TFAP2B: variants seen among roughly 807,000 people sequenced by gnomAD.
TFAP2B encodes the protein transcription factor AP-2 beta, also known as transcription factor AP-2-beta.
Under a neutral mutation model 44.3 loss-of-function variants are expected in TFAP2B, and 9 were observed. The observed-to-expected ratio is 0.20, with a 90% CI of 0.12 to 0.35. The LOEUF (loss-of-function observed/expected upper bound fraction) is 0.35, where lower values mean the gene tolerates loss of function less well. Ranked by LOEUF, TFAP2B falls within the 10% of genes least tolerant of loss-of-function variation. The probability of loss-of-function intolerance (pLI) is 1.00; values close to 1 mark genes in which losing one functional copy is unlikely to be tolerated. For synonymous variants in TFAP2B, 270 were observed against 263.8 expected (o/e 1.02, Z -0.23); for missense variants, 509 against 600.0 (o/e 0.85, Z 1.59).
chr6:50,833,680 C>T (rs1022299926), intron 3 of TFAP2B, among the ~76,000 whole-genome samples: 1 of 152,118 alleles, frequency 6.6e-6, no homozygotes, highest in East Asian at 1.9e-4. Context: ...GGAAATAGCT[C>T]TTGTCGGGTG....
intron 6 of TFAP2B, among the ~76,000 whole-genome samples, chr6:50,841,726 C>T (rs879058755): frequency 5.9e-5 from 9 of 152,108 alleles, no homozygotes; most frequent in African/African-American, 1.9e-4. Context: ...TGTGTTTGAA[C>T]CCCACAGGTG....
At chr6:50,840,515 C>T (rs1011214873) in intron 6 of TFAP2B, among the ~76,000 whole-genome samples, 1 of 152,188 alleles carries the variant, frequency 6.6e-6, no homozygotes, top group Admixed American at 6.5e-5. Context: ...CGAATCCAGC[C>T]TTCTTACAAT....
In TFAP2B at chr6:50,822,176, C is replaced by A. The variant is rs1010981440; in HGVS notation, c.82-1231C>A. 3.1e-6 allele frequency: 4 copies of A among 1,303,286 alleles called. No homozygotes were observed. In the African/African-American group the frequency reaches 4.6e-5, roughly 15 times the overall value. 80.7% of individuals were successfully genotyped at this position (1,303,286 alleles called of 1,614,324 possible). A position where few individuals can be genotyped will look rare whatever the true frequency, so the allele number is the denominator to read the frequency against. ...TTCATCCATGGTGAGTTTGGATTCA[C>A]GTGTTACCAGAATTGCATGCTCCCT... On this transcript the variant is annotated intron_variant, in intron 1 of 6. Coordinates refer to ENST00000393655, the MANE Select transcript of TFAP2B (RefSeq NM_003221.4).
chr6:50,829,609 G>A (rs1161882989), intron 3 of TFAP2B, among the ~76,000 whole-genome samples: 1 of 152,194 alleles, frequency 6.6e-6, no homozygotes, highest in African/African-American at 2.4e-5. Context: ...GGATGTCGAA[G>A]AAATTCTGTC....
chr6:50,823,334 T>C, intron 1 of TFAP2B, 73 bp from the exon 2 acceptor site: 1 of 1,315,620 alleles, frequency 7.6e-7, no homozygotes, highest in Admixed American at 2.0e-5. Context: ...GTACTCTCTG[T>C]CTCTCTCTGC....
chr6:50,826,847 G>T (rs184962734), intron 2 of TFAP2B, among the ~76,000 whole-genome samples: 1 of 152,102 alleles, frequency 6.6e-6, no homozygotes, highest in Admixed American at 6.5e-5. Context: ...GTGTCTTAAA[G>T]CAACCCCTGG....
At chr6:50,818,739 G>A, upstream of TFAP2B, 1 of 669,888 alleles carries the variant, frequency 1.5e-6, no homozygotes, top group Non-Finnish European at 2.6e-6. Context: ...TCTTTGCTGA[G>A]GCTTACTTGT....
chr6:50,822,259 G>GTC (rs1333417708), intron 1 of TFAP2B: 2 of 1,047,690 alleles, frequency 1.9e-6, no homozygotes, highest in East Asian at 5.9e-5. Flanking sequence ...CACACTCTCT[G>GTC]TCTCTCTCTG....
rs748407911 is a variant in TFAP2B at position 50,823,547 on chromosome 6, C to T, written c.222C>T (p.Tyr74=). 1.5e-5 allele frequency: 24 copies of T among 1,613,890 alleles called. No homozygotes were observed. Among genetic ancestry groups the T allele is most frequent in the Non-Finnish European group, 1.1e-5 (13 of 1,180,000 alleles). ...DFQPPYFPPP[Y]QPLPYHQSQD... ...AGCCGCCCTACTTCCCACCCCCCTA[C>T]CAGCCGCTCCCCTACCACCAGAGCC... The change falls in exon 2 of 7, where the codon TAC becomes TAT. Residue 74 remains tyrosine (Y), a synonymous_variant. Coordinates refer to ENST00000393655, the MANE Select transcript of TFAP2B (RefSeq NM_003221.4).
At position 50,846,888 on chromosome 6, in the gene TFAP2B, G is replaced by T. The variant is rs1039869538; in HGVS notation, c.*3496G>T. 6.6e-6 allele frequency: 1 copy of T among 152,500 alleles called. No homozygotes were observed. Among genetic ancestry groups the T allele is most frequent in the Non-Finnish European group, 1.5e-5 (1 of 68,024 alleles). The allele number at this position is 152,500 out of a possible 1,614,324, so 9.4% of individuals were successfully genotyped here. On this transcript the variant is annotated 3_prime_UTR_variant, in exon 7 of 7. Transcript: ENST00000393655. ...TTAAAGAACCGAAGAGGCTTTTAAA[G>T]ACCTGGCTGCTTTGTTTTCCTTGGC...
chr6:50,825,225 G>A (rs1770469990), intron 2 of TFAP2B, among the ~76,000 whole-genome samples: 2 of 152,112 alleles, frequency 1.3e-5, no homozygotes, highest in African/African-American at 4.8e-5. Flanking sequence ...TGATTTAACT[G>A]AGCTTGACTG....
At chr6:50,819,422 C>A (rs945008115) in intron 1 of TFAP2B, among the ~76,000 whole-genome samples, 5 of 151,954 alleles carry the variant, frequency 3.3e-5, no homozygotes, top group African/African-American at 1.2e-4. Context: ...AATAAAATTT[C>A]TGAAATTGAT....
intron 3 of TFAP2B, among the ~76,000 whole-genome samples, chr6:50,833,369 G>A (rs1483443750): frequency 1.3e-5 from 2 of 152,232 alleles, no homozygotes; most frequent in Non-Finnish European, 2.9e-5. Flanking sequence ...GACAAGAAAT[G>A]TGTCAGATCT....
At chr6:50,832,142 A>G (rs986339237) in intron 3 of TFAP2B, among the ~76,000 whole-genome samples, 4 of 152,248 alleles carry the variant, frequency 2.6e-5, no homozygotes, top group South Asian at 4.1e-4. Flanking sequence ...CTCAAAAGGA[A>G]GAAGTTCCCA....
chr6:50,843,190 G>T lies in TFAP2B; in HGVS notation c.1181G>T (p.Cys394Phe). The T allele has an allele frequency of 6.2e-7, 1 of 1,614,246 alleles. No homozygotes were observed. The highest frequency in any genetic ancestry group is 8.5e-7 in the Non-Finnish European group (1 of 1,180,046). The stretch of plus-strand genomic sequence containing the variant: ...ATCCTGGAGCCGGGGATCCAGAGCT[G>T]CCTCACGCACTTCAGCCTCATCACG... ...SPILEPGIQS[C>F]LTHFSLITHG... The change falls in exon 7 of 7, where the codon TGC (cysteine) becomes TTC (phenylalanine). Residue 394 changes from cysteine (C) to phenylalanine (F), a missense_variant. By Grantham distance (205) the Cys-to-Phe change is radical. Transcript: ENST00000393655.
At chr6:50,828,551 A>AC (rs1770588512) in intron 2 of TFAP2B, 68 bp from the exon 3 acceptor site, 10 of 1,403,174 alleles carry the variant, frequency 7.1e-6, no homozygotes, top group African/African-American at 1.4e-5. Flanking sequence ...AGTTTGGAAT[A>AC]ACATGATTTA....
intron 4 of TFAP2B, 45 bp downstream of exon 4, chr6:50,836,325 A>G (rs750138290): frequency 1.3e-6 from 2 of 1,525,586 alleles, no homozygotes; most frequent in South Asian, 2.3e-5. Flanking sequence ...AAAAACAAAC[A>G]AAAACCCACC....
At chr6:50,820,392 C>CT (rs1491474409) in intron 1 of TFAP2B, among the ~76,000 whole-genome samples, 1 of 64,728 alleles carries the variant, frequency 1.5e-5, no homozygotes, top group African/African-American at 6.5e-5. Context: ...ACACCTCCTG[C>CT]CCCCCCCCGA....
intron 5 of TFAP2B, among the ~76,000 whole-genome samples, chr6:50,839,629 AATT>A (rs1030518636): frequency 6.6e-6 from 1 of 152,214 alleles, no homozygotes; most frequent in Non-Finnish European, 1.5e-5. Flanking sequence ...TGACAAGGAG[AATT>A]ATTATTTCAT....
Sources: allele counts gnomAD v4.1 joint callset (sites outside exome capture counted in the v4.1 genomes callset), GRCh38; gene constraint gnomAD v4.1.1; transcripts MANE v1.5; gene names NCBI Gene and HGNC (gene_info 2026-07-23, HGNC 2026-07-21).